The following ARHGAP6 variants were observed in gnomAD, a reference collection of about 807,000 sequenced individuals.
ARHGAP6 encodes the protein Rho GTPase activating protein 6.
ARHGAP6 carries 16 observed loss-of-function variants against 55.7 expected under a neutral mutation model. The ratio of observed to expected loss-of-function variants is 0.29; its 90% CI spans 0.19 to 0.44. ARHGAP6 has a LOEUF of 0.44. ARHGAP6 is among the 20% of genes least tolerant of loss of function. The probability of loss-of-function intolerance (pLI) is 1.00; values close to 1 mark genes in which losing one functional copy is unlikely to be tolerated. For synonymous variants in ARHGAP6, 382 were observed against 360.9 expected, an observed-to-expected ratio of 1.06 and a Z score of -0.66; for missense variants, 698 against 808.9, an observed-to-expected ratio of 0.86 and a Z score of 1.66.
chrX:11,335,583 G>T (rs1481476566), intron 1 of ARHGAP6: 1 of 188,399 alleles, frequency 5.3e-6, no homozygotes, highest in East Asian at 1.4e-4. Context: ...AGTATCCCAT[G>T]GTGTATATGT....
At chrX:11,282,826 T>C (rs1024230327) in intron 1 of ARHGAP6, among the ~76,000 whole-genome samples, 1 of 112,239 alleles carries the variant, frequency 8.9e-6, no homozygotes, top group African/African-American at 3.2e-5. Context: ...ATATAGTCTA[T>C]GTTGAGAAAC....
chrX:11,291,605 T>G (rs1377584383), intron 1 of ARHGAP6, among the ~76,000 whole-genome samples: 1 of 111,107 alleles, frequency 9.0e-6, no homozygotes, highest in East Asian at 2.8e-4. Context: ...AGATTGAAAG[T>G]GAATAAAATG....
chrX:11,453,292 C>T (rs1556020326), intron 1 of ARHGAP6, among the ~76,000 whole-genome samples: 1 of 94,358 alleles, frequency 1.1e-5, no homozygotes, highest in Non-Finnish European at 2.1e-5. Flanking sequence ...TATATATATA[C>T]ATAATATATA....
intron 1 of ARHGAP6, among the ~76,000 whole-genome samples, chrX:11,521,258 C>T (rs1448895639): frequency 2.7e-5 from 3 of 111,841 alleles, no homozygotes; most frequent in African/African-American, 9.8e-5. Flanking sequence ...AATGGTATTA[C>T]CTAGGTTTTC....
intron 1 of ARHGAP6, among the ~76,000 whole-genome samples, chrX:11,615,465 T>C (rs982494144): frequency 4.5e-5 from 5 of 111,761 alleles, no homozygotes; most frequent in African/African-American, 1.6e-4. Flanking sequence ...AGAATATCTC[T>C]GCAAGTTCCT....
chrX:11,319,160 C>CTA (rs2048397418), intron 1 of ARHGAP6, among the ~76,000 whole-genome samples: 1 of 111,534 alleles, frequency 9.0e-6, no homozygotes, highest in Non-Finnish European at 1.9e-5. Context: ...ATATCTATGT[C>CTA]TATCTATATA....
chrX:11,588,291 T>G (rs765135428), intron 1 of ARHGAP6, among the ~76,000 whole-genome samples: 1 of 112,330 alleles, frequency 8.9e-6, no homozygotes, highest in Non-Finnish European at 1.9e-5. Flanking sequence ...TCTACAAATG[T>G]AGATAATCAC....
rs1321464965 is a variant in ARHGAP6, at chrX:11,495,500, G to A, written c.588+168741C>T. 3.6e-5 allele frequency among the ~76,000 whole-genome samples: 4 copies of A among 111,912 alleles called. No homozygotes were observed. The Admixed American group carries it at 3.8e-4, about 11-fold the overall frequency. On this transcript the variant is annotated intron_variant, in intron 1 of 12. Coordinates refer to ENST00000337414, the MANE Select transcript of ARHGAP6 (RefSeq NM_013427.3). ...AGTATGCTCTTTCACACAGCACCTG[G>A]TAAGGCTGTAGCCTATCTACATGGA...
rs1472701042 is a variant in ARHGAP6, at chrX:11,534,420, G to A, written c.588+129821C>T. 3.8e-4 allele frequency among the ~76,000 whole-genome samples: 42 copies of A among 111,172 alleles called. No individual in the cohort carries two copies. In the Admixed American group the frequency reaches 4.0e-3, roughly 11 times the overall value. On this transcript the variant is annotated intron_variant, in intron 1 of 12. Coordinates refer to ENST00000337414, the MANE Select transcript of ARHGAP6 (RefSeq NM_013427.3). The stretch of plus-strand genomic sequence containing the variant: ...GGAGTTTCTCAGCCTTGGCAATATT[G>A]ACATTTGGATAATACTTGATGGCGG...
chrX:11,234,660 T>C (rs182994311), intron 2 of ARHGAP6, among the ~76,000 whole-genome samples: 1 of 112,445 alleles, frequency 8.9e-6, no homozygotes, highest in Non-Finnish European at 1.9e-5. Flanking sequence ...AAACTAAACA[T>C]AGCTGAGCCA....
chrX:11,458,116 T>C (rs777174947), intron 1 of ARHGAP6, among the ~76,000 whole-genome samples: 15 of 112,388 alleles, frequency 1.3e-4, no homozygotes, highest in Admixed American at 2.8e-4. Context: ...AGATCTTTCC[T>C]GTATTAAGAT....
chrX:11,185,188 G>A (rs2046371825), intron 5 of ARHGAP6, among the ~76,000 whole-genome samples: 1 of 109,759 alleles, frequency 9.1e-6, no homozygotes, highest in African/African-American at 3.3e-5. Flanking sequence ...GTATGTGTGT[G>A]TATAGAGAAA....
chrX:11,298,766 G>A (rs776762719), intron 1 of ARHGAP6: 44 of 1,207,755 alleles, frequency 3.6e-5, no homozygotes, highest in East Asian at 2.1e-4. Flanking sequence ...ACCTCCCTCC[G>A]CCCGCCCAGC....
At chrX:11,620,407 C>A (rs2052214268) in intron 1 of ARHGAP6, among the ~76,000 whole-genome samples, 1 of 112,575 alleles carries the variant, frequency 8.9e-6, no homozygotes, top group African/African-American at 3.2e-5. Context: ...CAAAAGAATA[C>A]TGAAAAGACA....
chrX:11,489,078 T>C (rs773039345), intron 1 of ARHGAP6, among the ~76,000 whole-genome samples: 3 of 112,289 alleles, frequency 2.7e-5, no homozygotes, highest in Non-Finnish European at 5.6e-5. Flanking sequence ...TCCTAATGAA[T>C]CATACATGCA....
intron 1 of ARHGAP6, among the ~76,000 whole-genome samples, chrX:11,355,627 T>C (rs1312155356): frequency 1.8e-5 from 2 of 112,213 alleles, no homozygotes; most frequent in Non-Finnish European, 3.8e-5. Context: ...GGATTCTTAA[T>C]ACTTAAAGGT....
chrX:11,286,228 G>A (rs1402052516), intron 1 of ARHGAP6, among the ~76,000 whole-genome samples: 1 of 111,341 alleles, frequency 9.0e-6, no homozygotes, highest in African/African-American at 3.3e-5. Flanking sequence ...GGTTTTTGGG[G>A]AACAGGTGAT....
At chrX:11,268,893 T>C (rs1233112730) in intron 1 of ARHGAP6, among the ~76,000 whole-genome samples, 1 of 111,386 alleles carries the variant, frequency 9.0e-6, no homozygotes, top group Non-Finnish European at 1.9e-5. Flanking sequence ...CATAGGACCC[T>C]TGAGCCCCCA....
rs747104123 is a variant in ARHGAP6 at position 11,272,424 on chromosome X, C to T, written c.589-17717G>A. Among the ~76,000 whole-genome samples, 8 of 110,267 alleles carry T rather than the reference C, an allele frequency of 7.3e-5. No homozygotes were observed. The South Asian group carries it at 3.2e-3, about 44-fold the overall frequency. ...AATTCCTTGAACTTTTTCCAGGATC[C>T]ATAACTTTTCTCCAAATTCCACTAA... On this transcript the variant is annotated intron_variant, in intron 1 of 12. Coordinates refer to ENST00000337414, the MANE Select transcript of ARHGAP6 (RefSeq NM_013427.3).
Sources: gnomAD v4.1 joint callset for allele counts (sites outside exome capture counted in the v4.1 genomes callset) on GRCh38, gnomAD v4.1.1 for gene constraint, MANE v1.5 for transcripts, NCBI Gene and HGNC (gene_info 2026-07-23, HGNC 2026-07-21) for gene names.